DENND11: variants seen among roughly 807,000 people sequenced by gnomAD.
DENND11 encodes DENN domain containing 11, also known as DENN domain-containing protein 11.
A neutral mutation model predicts 49.2 loss-of-function variants in DENND11; 34 were observed. That is an observed-to-expected ratio of 0.69 (90% confidence interval 0.53 to 0.92). The LOEUF is 0.92. Ranked by LOEUF, DENND11 falls within the 40% of genes least tolerant of loss-of-function variation. The probability of loss-of-function intolerance (pLI) is 0.00; values close to 1 mark genes in which losing one functional copy is unlikely to be tolerated. For synonymous variants in DENND11, 238 were observed against 230.3 expected (o/e 1.03, Z -0.30); for missense variants, 475 against 581.6 (o/e 0.82, Z 1.88).
chr7:141,688,374 T>C (rs1289315325), intron 1 of DENND11, among the ~76,000 whole-genome samples: 2 of 152,204 alleles, frequency 1.3e-5, no homozygotes, highest in Non-Finnish European at 2.9e-5. Context: ...ATACACAATC[T>C]AGTCTCAGGA....
Position 141,674,121 on chromosome 7 carries a change from C to A in DENND11, c.627G>T (p.Leu209=). 1.3e-6 allele frequency: 2 copies of A among 1,598,838 alleles called. No individual in the cohort carries two copies. The highest frequency in any genetic ancestry group is 1.7e-6 in the Non-Finnish European group (2 of 1,172,832). Residue 209 remains leucine (L), a synonymous_variant, in exon 4 of 9, where the codon CTG becomes CTT. Transcript: ENST00000536163. ...TGGAAGGCAGCCAGTAGACAGGGGGCAGGCTGCTGCCTCTGCCGGGACCAG... is the reference window on the plus strand; with the variant it reads ...TGGAAGGCAGCCAGTAGACAGGGGGAAGGCTGCTGCCTCTGCCGGGACCAG... ...LHAGPGRGSS[L]PPVYWLPSIH...
At position 141,702,058 on chromosome 7, in the gene DENND11, C is replaced by G. The variant is rs1186937355; in HGVS notation, c.96G>C (p.Trp32Cys). ...GGGCGCCCCCGCCGCCGCCCCGGCC[C>G]CAGCCTCCCGCCTGCGGCTGCGGGG... ...PQAPQPQAGG[W>C]GRGGGGGARP... The change falls in exon 1 of 9, where the codon TGG (tryptophan) becomes TGC (cysteine). Residue 32 changes from tryptophan to cysteine, a missense_variant. Trp to Cys is a radical substitution (Grantham distance 215). Coordinates refer to ENST00000536163, the MANE Select transcript of DENND11 (RefSeq NM_001080392.2). 25 of 991,338 alleles carry G rather than the reference C, an allele frequency of 2.5e-5. No individual in the cohort carries two copies. Among genetic ancestry groups the G allele is most frequent in the Non-Finnish European group, 2.9e-5 (24 of 835,398 alleles). 61.4% of individuals were successfully genotyped at this position (991,338 alleles called of 1,614,324 possible). A position where few individuals can be genotyped will look rare whatever the true frequency, so the allele number is the denominator to read the frequency against.
chr7:141,682,510 A>C (rs1428089921), intron 3 of DENND11, among the ~76,000 whole-genome samples: 1 of 152,224 alleles, frequency 6.6e-6, no homozygotes, highest in Non-Finnish European at 1.5e-5. Context: ...AGATATGTAA[A>C]TTCTAGTCTT....
At chr7:141,697,056 A>G (rs1273714747) in intron 1 of DENND11, among the ~76,000 whole-genome samples, 3 of 152,232 alleles carry the variant, frequency 2.0e-5, no homozygotes, top group Non-Finnish European at 4.4e-5. Context: ...CAGATCCCAT[A>G]TCATTCTCCA....
intron 1 of DENND11, among the ~76,000 whole-genome samples, chr7:141,698,446 A>G (rs1044045833): frequency 4.6e-5 from 7 of 152,190 alleles, no homozygotes; most frequent in African/African-American, 1.7e-4. Context: ...TTTGTGGCCC[A>G]GATGATCAGC....
chr7:141,694,022 A>G (rs912935475), intron 1 of DENND11, among the ~76,000 whole-genome samples: 2 of 152,224 alleles, frequency 1.3e-5, no homozygotes, highest in African/African-American at 4.8e-5. Flanking sequence ...CAAATATACC[A>G]CACTAATGAA....
intron 1 of DENND11, among the ~76,000 whole-genome samples, chr7:141,691,757 T>C (rs933848543): frequency 2.0e-5 from 3 of 152,154 alleles, no homozygotes; most frequent in Non-Finnish European, 2.9e-5. Context: ...GGGAAGTAGG[T>C]AGAGCTACTA....
chr7:141,661,917 AC>A lies in DENND11; in HGVS notation c.*738del, dbSNP rs1373424253. ...GGCCAGCATTGGCCCTTAGCAATTC[AC>A]CAATTCATCCCAAGAAGAGGAAGGT... On this transcript the variant is annotated 3_prime_UTR_variant, in exon 9 of 9. Transcript: ENST00000536163. The A allele has an allele frequency of 6.6e-6, 1 of 152,208 alleles. No individual in the cohort carries two copies. Among genetic ancestry groups the A allele is most frequent in the Non-Finnish European group, 1.5e-5 (1 of 68,030 alleles). The allele number at this position is 152,208 out of a possible 1,614,324, so 9.4% of individuals were successfully genotyped here. A position where few individuals can be genotyped will look rare whatever the true frequency, so the allele number is the denominator to read the frequency against.
intron 3 of DENND11, among the ~76,000 whole-genome samples, chr7:141,682,163 G>T (rs1798157046): frequency 6.6e-6 from 1 of 152,132 alleles, no homozygotes; most frequent in Non-Finnish European, 1.5e-5. Context: ...CTGGCCTAAC[G>T]TAAAGGACTA....
chr7:141,698,384 A>G (rs921266138), intron 1 of DENND11, among the ~76,000 whole-genome samples: 2 of 152,192 alleles, frequency 1.3e-5, no homozygotes, highest in African/African-American at 2.4e-5. Flanking sequence ...GGCTTCCAAC[A>G]TCTTCCACCC....
intron 1 of DENND11, among the ~76,000 whole-genome samples, chr7:141,700,751 C>G (rs1798497654): frequency 6.6e-6 from 1 of 152,130 alleles, no homozygotes; most frequent in Admixed American, 6.5e-5. Flanking sequence ...CACATTCTTC[C>G]TGTGTCCTAC....
Position 141,665,224 on chromosome 7 carries a change from G to A in DENND11, c.915C>T (p.Asp305=), listed in dbSNP as rs371995138. The change falls in exon 6 of 9, where the codon GAC becomes GAT. Residue 305 remains aspartate, a synonymous_variant. Coordinates refer to ENST00000536163, the MANE Select transcript of DENND11 (RefSeq NM_001080392.2). The part of the protein sequence containing the change: ...SKPFFYVNVA[D]IESLEVEVSY... ...ACACCTCTACCTCCAGGCTCTCGAT[G>A]TCAGCCACGTTCACGTAGAAGAAAG... The A allele has an allele frequency of 1.3e-4, 210 of 1,613,244 alleles. No individual in the cohort carries two copies. Among genetic ancestry groups the A allele is most frequent in the Non-Finnish European group, 1.7e-4 (201 of 1,179,648 alleles).
chr7:141,662,677 G>A lies in DENND11; in HGVS notation c.1347C>T (p.Ile449=), dbSNP rs769576019. The A allele has an allele frequency of 1.7e-4, 266 of 1,597,834 alleles. No individual in the cohort carries two copies. Among genetic ancestry groups the A allele is most frequent in the Non-Finnish European group, 2.0e-4 (234 of 1,173,168 alleles). ...CCTCCTACGGGCAACAGGGGTTGTC[G>A]ATAACCAGCATGACATCAATGCCAT... ...EAYGIDVMLV[I]DNPCCP Residue 449 remains isoleucine, a synonymous_variant, in exon 9 of 9, where the codon ATC becomes ATT. Transcript: ENST00000536163.
chr7:141,701,951 T>C lies in DENND11; in HGVS notation c.203A>G (p.Glu68Gly). The C allele has an allele frequency of 8.4e-7, 1 of 1,189,472 alleles. No homozygotes were observed. The highest frequency in any genetic ancestry group is 1.0e-6 in the Non-Finnish European group (1 of 961,116). The allele number at this position is 1,189,472 out of a possible 1,614,324, so 73.7% of individuals were successfully genotyped here. ...PEVLLQPGRL[E>G]LGDVEEDQVV... Reference sequence around the variant, plus strand: ...CTGGTCCTCCTCCACGTCGCCCAGCTCCAGGCGCCCGGGCTGCAGCAGCAC... The same window carrying C: ...CTGGTCCTCCTCCACGTCGCCCAGCCCCAGGCGCCCGGGCTGCAGCAGCAC... Residue 68 changes from glutamate to glycine, a missense_variant, in exon 1 of 9, where the codon GAG becomes GGG. Coordinates refer to ENST00000536163, the MANE Select transcript of DENND11 (RefSeq NM_001080392.2).
At chr7:141,663,032 A>G (rs1360457588) in intron 8 of DENND11, 181 bp from the exon 9 acceptor site, 1 of 478,268 alleles carries the variant, frequency 2.1e-6, no homozygotes, top group African/African-American at 2.0e-5. Context: ...TACTAAGGTT[A>G]GCAAAGAAAC....
At chr7:141,665,554 T>C (rs770222926) in intron 5 of DENND11, among the ~76,000 whole-genome samples, 1 of 152,094 alleles carries the variant, frequency 6.6e-6, no homozygotes, top group Non-Finnish European at 1.5e-5. Flanking sequence ...TTCTCAGTCT[T>C]TCTCTAGCTG....
intron 1 of DENND11, among the ~76,000 whole-genome samples, chr7:141,691,375 AC>A (rs1798325014): frequency 6.6e-6 from 1 of 151,502 alleles, no homozygotes; most frequent in South Asian, 2.1e-4. Flanking sequence ...AAAGAAATAG[AC>A]TCCTATCTTG....
At position 141,668,597 on chromosome 7, in the gene DENND11, A is replaced by C. The variant is rs1010377895; in HGVS notation, c.682-2172T>G. Among the ~76,000 whole-genome samples, 8 of 147,600 alleles carry C rather than the reference A, an allele frequency of 5.4e-5. No homozygotes were observed. The South Asian group carries it at 9.7e-4, about 18-fold the overall frequency. ...CGAGACTGTCTCAAAACAAACAAAC[A>C]AACAACAAACAAAAACAGATGAATC... On this transcript the variant is annotated intron_variant, in intron 4 of 8. Transcript: ENST00000536163.
chr7:141,679,704 C>CT (rs1798118959), intron 3 of DENND11, among the ~76,000 whole-genome samples: 3 of 123,438 alleles, frequency 2.4e-5, no homozygotes, highest in Non-Finnish European at 3.4e-5. Context: ...AAGAGCGAAA[C>CT]TTTAAAAAAA....
Sources: allele counts gnomAD v4.1 joint callset (sites outside exome capture counted in the v4.1 genomes callset), GRCh38; gene constraint gnomAD v4.1.1; transcripts MANE v1.5; gene names NCBI Gene and HGNC (gene_info 2026-07-23, HGNC 2026-07-21).